Variants in CSMD3 observed in about 807,000 individuals in gnomAD.
CSMD3 encodes CUB and Sushi multiple domains 3.
A neutral mutation model predicts 435.2 loss-of-function variants in CSMD3; 177 were observed. The ratio of observed to expected loss-of-function variants is 0.41; its 90% CI spans 0.36 to 0.46. CSMD3 has a LOEUF of 0.46. Among genes scored for constraint, CSMD3 ranks in the 20% least tolerant of loss-of-function variants. The pLI, the probability that CSMD3 is intolerant of heterozygous loss-of-function variation, is 0.34. For synonymous variants in CSMD3, 1,656 were observed against 1,520.5 expected (o/e 1.09, Z -2.07); for missense variants, 4,265 against 4,504.6 (o/e 0.95, Z 1.52).
intron 1 of CSMD3, among the ~76,000 whole-genome samples, chr8:113,427,798 C>T (rs953988329): frequency 1.3e-5 from 2 of 151,626 alleles, no homozygotes; most frequent in African/African-American, 2.4e-5. Flanking sequence ...CTGAGAACTT[C>T]CATATCCTTT....
At chr8:112,457,438 C>T (rs1458743975) in intron 32 of CSMD3, among the ~76,000 whole-genome samples, 1 of 152,110 alleles carries the variant, frequency 6.6e-6, no homozygotes, top group Non-Finnish European at 1.5e-5. Context: ...TAGAATCCTA[C>T]AGCATGCTCT....
intron 12 of CSMD3, among the ~76,000 whole-genome samples, chr8:112,819,549 C>A (rs2079471368): frequency 1.3e-5 from 2 of 152,150 alleles, no homozygotes; most frequent in Admixed American, 1.3e-4. Context: ...GTCAGCCAGT[C>A]CTATTAAAAC....
intron 3 of CSMD3, among the ~76,000 whole-genome samples, chr8:113,199,318 T>A (rs2092693083): frequency 6.6e-6 from 1 of 151,652 alleles, no homozygotes; most frequent in Admixed American, 6.6e-5. Context: ...AAAATTATTA[T>A]CAGAGTGATA....
Position 112,335,332 on chromosome 8 carries a change from G to T in CSMD3, c.7162C>A (p.His2388Asn), listed in dbSNP as rs1328025055. 1 of 1,613,628 alleles carries T rather than the reference G, an allele frequency of 6.2e-7. No homozygotes were observed. The highest frequency in any genetic ancestry group is 1.1e-5 in the South Asian group (1 of 91,062). ...GGAACTCTCAGATAATACCAACCGTGATAACTGAGCACAAAAAAGCCACTT... is the reference window on the plus strand; with the variant it reads ...GGAACTCTCAGATAATACCAACCGTTATAACTGAGCACAAAAAAGCCACTT... ...TTSGFFVLSY[H>N]AYQLRVCQPP... The change falls in exon 45 of 71, where the codon CAC (histidine) becomes AAC (asparagine). Residue 2388 changes from histidine (H) to asparagine (N), a missense_variant. By Grantham distance (68) the His-to-Asn change is moderately conservative (BLOSUM62 1). Coordinates refer to ENST00000297405, the MANE Select transcript of CSMD3 (RefSeq NM_198123.2).
intron 1 of CSMD3, among the ~76,000 whole-genome samples, chr8:113,333,578 T>G (rs2094045136): frequency 6.6e-6 from 1 of 151,816 alleles, no homozygotes; most frequent in Non-Finnish European, 1.5e-5. Flanking sequence ...CAAAATTAGT[T>G]TGGCATACTT....
At chr8:112,340,946 T>G (rs929800780) in intron 42 of CSMD3, among the ~76,000 whole-genome samples, 4 of 152,074 alleles carry the variant, frequency 2.6e-5, no homozygotes, top group Non-Finnish European at 5.9e-5. Flanking sequence ...TCAAAAGAGA[T>G]AAAAATCTTG....
At position 112,685,623 on chromosome 8, in the gene CSMD3, T is replaced by G. The variant is rs1338595102; in HGVS notation, c.2265A>C (p.Pro755=). The G allele has an allele frequency of 1.2e-6, 2 of 1,613,480 alleles. No individual in the cohort carries two copies. Among genetic ancestry groups the G allele is most frequent in the Non-Finnish European group, 8.5e-7 (1 of 1,179,532 alleles). The stretch of plus-strand genomic sequence containing the variant: ...TGAAAGAAAGATGTATCCGGCTCCC[T>G]GGATCAGAGATTATCGTCCAGATGC... ...LNCIWTIISD[P]GSRIHLSFND... The change falls in exon 15 of 71, where the codon CCA becomes CCC. Residue 755 remains proline (P), a synonymous_variant. Transcript: ENST00000297405.
intron 15 of CSMD3, 33 bp from the exon 16 acceptor site, chr8:112,682,669 A>G (rs2075926968): frequency 7.3e-7 from 1 of 1,377,574 alleles, no homozygotes; most frequent in Admixed American, 1.7e-5. Context: ...AAATACACAA[A>G]CAAACAACAT....
chr8:113,413,990 A>T (rs1179391460), intron 1 of CSMD3, among the ~76,000 whole-genome samples: 2 of 152,204 alleles, frequency 1.3e-5, no homozygotes, highest in African/African-American at 4.8e-5. Flanking sequence ...TGTGCTTGAA[A>T]ATAGGAAACA....
At chr8:113,328,532 G>C (rs1253297086) in intron 1 of CSMD3, among the ~76,000 whole-genome samples, 1 of 151,662 alleles carries the variant, frequency 6.6e-6, no homozygotes, top group Non-Finnish European at 1.5e-5. Context: ...GCAGAAGCTA[G>C]GATAGCCATG....
At chr8:113,298,852 G>A (rs773756216) in intron 2 of CSMD3, among the ~76,000 whole-genome samples, 22 of 152,098 alleles carry the variant, frequency 1.4e-4, no homozygotes, top group Non-Finnish European at 2.5e-4. Flanking sequence ...AAGAAGGAGC[G>A]AGATCCCTAG....
At chr8:113,041,130 A>T (rs1014717413) in intron 5 of CSMD3, among the ~76,000 whole-genome samples, 1 of 147,092 alleles carries the variant, frequency 6.8e-6, no homozygotes, top group Non-Finnish European at 1.5e-5. Context: ...TAATTGAACC[A>T]GGGAAGCAGA....
intron 22 of CSMD3, among the ~76,000 whole-genome samples, chr8:112,618,380 TTAAGGACTGTACTG>T (rs149395381): frequency 0.048 from 7,250 of 152,154 alleles, 232 homozygotes; most frequent in Middle Eastern, 0.12. Context: ...GGCTTATATT[TTAAGGACTGTACTG>T]TTCCTTTGCA....
intron 70 of CSMD3, among the ~76,000 whole-genome samples, chr8:112,227,460 A>T (rs1194789508): frequency 1.3e-5 from 2 of 152,172 alleles, no homozygotes; most frequent in Non-Finnish European, 2.9e-5. Flanking sequence ...GGGTTCCAAA[A>T]TATTTTGGAA....
chr8:112,239,462 C>A (rs1426049155), intron 66 of CSMD3, among the ~76,000 whole-genome samples: 1 of 151,872 alleles, frequency 6.6e-6, no homozygotes, highest in Admixed American at 6.6e-5. Context: ...CTATGTTGAG[C>A]CTAGAGAATG....
At chr8:112,655,110 T>TA (rs1379180691) in intron 18 of CSMD3, among the ~76,000 whole-genome samples, 1 of 152,040 alleles carries the variant, frequency 6.6e-6, no homozygotes, top group African/African-American at 2.4e-5. Flanking sequence ...TAAGATGATT[T>TA]AAAAAAACTA....
At chr8:112,298,872 C>T (rs1054733159) in intron 53 of CSMD3, among the ~76,000 whole-genome samples, 1 of 152,050 alleles carries the variant, frequency 6.6e-6, no homozygotes, top group African/African-American at 2.4e-5. Flanking sequence ...TGTGAGTATT[C>T]AAGAGAAATG....
chr8:113,265,016 CTA>C (rs1163934192), intron 3 of CSMD3, among the ~76,000 whole-genome samples: 1 of 151,558 alleles, frequency 6.6e-6, no homozygotes, highest in Non-Finnish European at 1.5e-5. Flanking sequence ...AAAACATGTT[CTA>C]TACTTGTAAG....
At chr8:112,395,817 C>A (rs767554701) in intron 35 of CSMD3, among the ~76,000 whole-genome samples, 23 of 152,026 alleles carry the variant, frequency 1.5e-4, no homozygotes, top group Non-Finnish European at 2.9e-4. Context: ...GTAACAAGGT[C>A]AAATTTGGAA....
Sources: allele counts gnomAD v4.1 joint callset (sites outside exome capture counted in the v4.1 genomes callset), GRCh38; gene constraint gnomAD v4.1.1; transcripts MANE v1.5; gene names NCBI Gene and HGNC (gene_info 2026-07-23, HGNC 2026-07-21).